ALK: variants seen among roughly 807,000 people sequenced by gnomAD.
The protein encoded by ALK is ALK tyrosine kinase receptor.
A neutral mutation model predicts 163.1 loss-of-function variants in ALK; 74 were observed. The ratio of observed to expected loss-of-function variants is 0.45; its 90% CI spans 0.38 to 0.55. ALK has a LOEUF of 0.55. ALK is among the 20% of genes least tolerant of loss of function. The pLI is 0.00. For missense variants in ALK, 2,063 were observed against 2,105.3 expected, an observed-to-expected ratio of 0.98 and a Z score of 0.39; for synonymous variants, 960 against 843.2, an observed-to-expected ratio of 1.14 and a Z score of -2.40.
intron 1 of ALK, among the ~76,000 whole-genome samples, chr2:29,915,770 T>G (rs554693052): frequency 6.6e-6 from 1 of 152,300 alleles, no homozygotes; most frequent in Non-Finnish European, 1.5e-5. Flanking sequence ...TCAGTGATGC[T>G]TTGTCATATA....
At chr2:29,442,511 C>T (rs1670571084) in intron 4 of ALK, among the ~76,000 whole-genome samples, 2 of 152,098 alleles carry the variant, frequency 1.3e-5, no homozygotes, top group Admixed American at 1.3e-4. Flanking sequence ...TCCAGCTCTG[C>T]CACAATGACC....
intron 4 of ALK, among the ~76,000 whole-genome samples, chr2:29,402,190 C>T (rs1042615803): frequency 5.3e-5 from 8 of 152,210 alleles, no homozygotes; most frequent in East Asian, 3.8e-4. Context: ...ACAAACAGCC[C>T]GTGCCTGTTA....
At chr2:29,270,922 TAA>T (rs1197324953) in intron 11 of ALK, among the ~76,000 whole-genome samples, 2 of 152,156 alleles carry the variant, frequency 1.3e-5, no homozygotes, top group Non-Finnish European at 2.9e-5. Context: ...GAGCTGTGGC[TAA>T]AGAGAGGAAC....
chr2:29,810,148 A>G (rs1453257813), intron 1 of ALK, among the ~76,000 whole-genome samples: 9 of 152,184 alleles, frequency 5.9e-5, no homozygotes, highest in African/African-American at 2.2e-4. Flanking sequence ...TCAGCCGGAC[A>G]TGGTGGCTCA....
intron 1 of ALK, among the ~76,000 whole-genome samples, chr2:29,900,995 G>GAGAGAGCAAGCA (rs143158227): frequency 2.0e-5 from 3 of 148,592 alleles, no homozygotes; most frequent in Non-Finnish European, 3.0e-5. Flanking sequence ...GAGAGAGAGA[G>GAGAGAGCAAGCA]AGCAAGCAAG....
chr2:29,231,104 G>A (rs2001260), intron 15 of ALK, among the ~76,000 whole-genome samples: 44,774 of 152,106 alleles, frequency 0.29, 7,590 homozygotes, highest in East Asian at 0.69. Context: ...TTGGGAGGCC[G>A]AGGCAGGTGG....
chr2:29,662,462 T>C (rs1573536534), intron 3 of ALK, among the ~76,000 whole-genome samples: 1 of 152,312 alleles, frequency 6.6e-6, no homozygotes, highest in East Asian at 1.9e-4. Context: ...TTTGGCCCCT[T>C]CCTTAAGTTT....
At chr2:29,405,341 T>C (rs1355406538) in intron 4 of ALK, among the ~76,000 whole-genome samples, 1 of 152,220 alleles carries the variant, frequency 6.6e-6, no homozygotes, top group Non-Finnish European at 1.5e-5. Flanking sequence ...TCTTCTAACC[T>C]ACAATATGCC....
At chr2:29,373,624 G>A (rs1217715888) in intron 5 of ALK, among the ~76,000 whole-genome samples, 1 of 152,204 alleles carries the variant, frequency 6.6e-6, no homozygotes, top group Non-Finnish European at 1.5e-5. Context: ...ACTTCATGGG[G>A]CATTTTAAAA....
At chr2:29,523,246 C>A (rs965889417) in intron 4 of ALK, among the ~76,000 whole-genome samples, 18 of 152,184 alleles carry the variant, frequency 1.2e-4, no homozygotes, top group African/African-American at 4.3e-4. Context: ...CCACCTGACA[C>A]CCCTTGCCCC....
intron 27 of ALK, among the ~76,000 whole-genome samples, chr2:29,197,165 G>A (rs1458033780): frequency 6.6e-6 from 1 of 152,220 alleles, no homozygotes; most frequent in Non-Finnish European, 1.5e-5. Context: ...TGGGAAGGAA[G>A]TGAGGGGTGC....
intron 1 of ALK, among the ~76,000 whole-genome samples, chr2:29,919,148 G>T (rs922563702): frequency 2.0e-5 from 3 of 152,180 alleles, no homozygotes; most frequent in African/African-American, 7.2e-5. Context: ...AGGGAGATCT[G>T]CAGTGAAACA....
At chr2:29,801,527 G>A (rs916509669) in intron 1 of ALK, among the ~76,000 whole-genome samples, 8 of 152,216 alleles carry the variant, frequency 5.3e-5, no homozygotes, top group Admixed American at 4.6e-4. Context: ...TGCTATTGCT[G>A]CACGACTTTC....
intron 9 of ALK, among the ~76,000 whole-genome samples, chr2:29,277,422 C>T (rs796601116): frequency 9.8e-5 from 15 of 152,314 alleles, no homozygotes; most frequent in Admixed American, 2.6e-4. Flanking sequence ...AACTTTTATC[C>T]GAATAACTGT....
At chr2:29,337,622 T>A (rs1667657296) in intron 5 of ALK, among the ~76,000 whole-genome samples, 1 of 152,166 alleles carries the variant, frequency 6.6e-6, no homozygotes, top group Admixed American at 6.5e-5. Context: ...CTCTGGGTGA[T>A]AATTGAGTAC....
intron 2 of ALK, among the ~76,000 whole-genome samples, chr2:29,712,629 T>TGA (rs879622497): frequency 1.3e-5 from 2 of 151,202 alleles, no homozygotes; most frequent in South Asian, 2.1e-4. Context: ...TTTTTTTTTT[T>TGA]GAGAGAGAGA....
intron 1 of ALK, among the ~76,000 whole-genome samples, chr2:29,852,836 CT>C (rs1666035322): frequency 3.6e-4 from 2 of 5,504 alleles, no homozygotes; most frequent in African/African-American, 4.8e-4. Flanking sequence ...AGAGCTTTCT[CT>C]CTCTCTCTCT....
chr2:29,261,417 A>G (rs1665086097), intron 11 of ALK, among the ~76,000 whole-genome samples: 1 of 152,088 alleles, frequency 6.6e-6, no homozygotes, highest in African/African-American at 2.4e-5. Flanking sequence ...TGTTACCACC[A>G]TCACTGCCCT....
intron 1 of ALK, among the ~76,000 whole-genome samples, chr2:29,756,199 T>G (rs1158271879): frequency 6.6e-6 from 1 of 152,228 alleles, no homozygotes; most frequent in Non-Finnish European, 1.5e-5. Flanking sequence ...CCCTTTTCAC[T>G]TGGCTAAATT....
Sources: allele counts gnomAD v4.1 joint callset (sites outside exome capture counted in the v4.1 genomes callset), GRCh38; gene constraint gnomAD v4.1.1; transcripts MANE v1.5; gene names NCBI Gene and HGNC (gene_info 2026-07-23, HGNC 2026-07-21).